PARD3B: variants seen among roughly 807,000 people sequenced by gnomAD.
The protein encoded by PARD3B is partitioning defective 3 homolog B.
Under a neutral mutation model 130.2 loss-of-function variants are expected in PARD3B, and 103 were observed. The observed-to-expected ratio is 0.79, with a 90% confidence interval of 0.67 to 0.93. PARD3B has a LOEUF of 0.93. Ranked by LOEUF, PARD3B falls within the 40% of genes least tolerant of loss-of-function variation. The probability of loss-of-function intolerance (pLI) is 0.00; values close to 1 mark genes in which losing one functional copy is unlikely to be tolerated. For synonymous variants in PARD3B, 583 were observed against 553.2 expected (o/e 1.05, Z -0.76); for missense variants, 1,609 against 1,499.2 (o/e 1.07, Z -1.21).
chr2:205,026,651 G>A (rs1409422971), intron 3 of PARD3B, among the ~76,000 whole-genome samples: 1 of 152,096 alleles, frequency 6.6e-6, no homozygotes, highest in Non-Finnish European at 1.5e-5. Context: ...TGTAACTGAA[G>A]GTTTATACCC....
chr2:204,644,053 C>T (rs753993195), intron 1 of PARD3B, among the ~76,000 whole-genome samples: 1 of 152,168 alleles, frequency 6.6e-6, no homozygotes, highest in African/African-American at 2.4e-5. Flanking sequence ...TTTATTTATT[C>T]GTTCTCTGAA....
rs548670432 is a variant in PARD3B at position 205,269,439 on chromosome 2, G to A, written c.2185+23617G>A. On this transcript the variant is annotated intron_variant, in intron 16 of 22. Transcript: ENST00000406610. The surrounding 1 kb of genome is among the most constrained non-coding windows in gnomAD (Gnocchi z 4.7). ...GAGGCTTTTTCAGGTAATGTCTTAG[G>A]AGTAAGGAGAGAGAAAGCAAAGTTA... Among the ~76,000 whole-genome samples, 2 of 152,208 alleles carry A rather than the reference G, an allele frequency of 1.3e-5. No homozygotes were observed. Among genetic ancestry groups the A allele is most frequent in the African/African-American group, 4.8e-5 (2 of 41,532 alleles).
chr2:205,104,083 T>G (rs1000457189), intron 4 of PARD3B, among the ~76,000 whole-genome samples: 4 of 152,196 alleles, frequency 2.6e-5, no homozygotes, highest in African/African-American at 9.7e-5. Flanking sequence ...TATATCACCA[T>G]CTGTCACCAG....
At chr2:204,995,048 T>C in intron 3 of PARD3B, among the ~76,000 whole-genome samples, 1 of 151,558 alleles carries the variant, frequency 6.6e-6, no homozygotes, top group East Asian at 1.9e-4. Flanking sequence ...TGCCAGTCTG[T>C]GTCTTTTAAT....
intron 15 of PARD3B, among the ~76,000 whole-genome samples, chr2:205,238,287 T>G (rs2039158961): frequency 6.6e-6 from 1 of 152,146 alleles, no homozygotes; most frequent in Non-Finnish European, 1.5e-5. Context: ...TGTACCTAAG[T>G]ACAAAGTTGC....
chr2:204,990,831 G>C (rs1436981128), intron 3 of PARD3B, among the ~76,000 whole-genome samples: 3 of 152,034 alleles, frequency 2.0e-5, no homozygotes, highest in East Asian at 1.9e-4. Context: ...TTATATAAAA[G>C]TTTCATAATT....
intron 2 of PARD3B, among the ~76,000 whole-genome samples, chr2:204,916,372 T>G (rs1200240125): frequency 6.6e-6 from 1 of 152,220 alleles, no homozygotes; most frequent in Non-Finnish European, 1.5e-5. Context: ...TTCCCAATCA[T>G]GTATAGCATT....
chr2:205,051,253 T>A (rs761033888), intron 4 of PARD3B, among the ~76,000 whole-genome samples: 1 of 152,160 alleles, frequency 6.6e-6, no homozygotes, highest in Non-Finnish European at 1.5e-5. Context: ...TATGATTTGA[T>A]AAGTGATGGT....
Position 205,297,887 on chromosome 2 carries a change from T to C in PARD3B, c.2186-2643T>C, listed in dbSNP as rs182888472. Among the ~76,000 whole-genome samples the C allele has an allele frequency of 2.3e-3, 357 of 152,332 alleles. 2 individuals are homozygous for C. Among genetic ancestry groups the C allele is most frequent in the Non-Finnish European group, 3.4e-3 (228 of 68,026 alleles). On this transcript the variant is annotated intron_variant, in intron 16 of 22. Transcript: ENST00000406610. Reference sequence around the variant, plus strand: ...TAGTACTTCTACTTTGTGACTTCTATTTATATAGAGTGAATTAATTGCCAA... The same window carrying C: ...TAGTACTTCTACTTTGTGACTTCTACTTATATAGAGTGAATTAATTGCCAA...
At chr2:204,839,657 C>G (rs1056087682) in intron 2 of PARD3B, among the ~76,000 whole-genome samples, 22 of 152,164 alleles carry the variant, frequency 1.4e-4, no homozygotes, top group Middle Eastern at 6.8e-3. Context: ...TCTCTTGTGC[C>G]TCATTTTGTG....
chr2:204,862,690 C>T (rs968839584), intron 2 of PARD3B, among the ~76,000 whole-genome samples: 3 of 152,156 alleles, frequency 2.0e-5, no homozygotes, highest in Non-Finnish European at 2.9e-5. Context: ...TTCTTGTCAC[C>T]AGAGCCTCAC....
chr2:205,320,703 T>A (rs189384628), intron 18 of PARD3B, among the ~76,000 whole-genome samples: 1 of 152,236 alleles, frequency 6.6e-6, no homozygotes, highest in African/African-American at 2.4e-5. Flanking sequence ...ATTGATTAAA[T>A]GCACATGGCA....
intron 21 of PARD3B, among the ~76,000 whole-genome samples, chr2:205,531,231 C>T (rs777691658): frequency 2.0e-5 from 3 of 152,050 alleles, no homozygotes; most frequent in Non-Finnish European, 4.4e-5. Flanking sequence ...GTCTGCTCCT[C>T]ATTAGAGACA....
intron 3 of PARD3B, among the ~76,000 whole-genome samples, chr2:204,985,898 C>T (rs990044412): frequency 5.9e-5 from 9 of 151,770 alleles, no homozygotes; most frequent in African/African-American, 1.9e-4. Context: ...CTCAGGAGCT[C>T]GAGACCAGCC....
Position 205,091,916 on chromosome 2 carries a change from A to G in PARD3B, c.505-12510A>G, listed in dbSNP as rs1160871752. 6.6e-6 allele frequency among the ~76,000 whole-genome samples: 1 copy of G among 152,088 alleles called. No individual in the cohort carries two copies. The highest frequency in any genetic ancestry group is 2.4e-5 in the African/African-American group (1 of 41,424). ...AGGGGACCCTCAATAAGGACTTGTGAACTGAATGATTCCTGTTTTGCTATG... is the reference window on the plus strand; with the variant it reads ...AGGGGACCCTCAATAAGGACTTGTGGACTGAATGATTCCTGTTTTGCTATG... On this transcript the variant is annotated intron_variant, in intron 4 of 22. Coordinates refer to ENST00000406610, the MANE Select transcript of PARD3B (RefSeq NM_001302769.2). The surrounding 1 kb of genome is among the most constrained non-coding windows in gnomAD (Gnocchi z 4.2).
In PARD3B at chr2:205,525,102, A is replaced by C. The variant is rs931939946; in HGVS notation, c.3180+25071A>C. 2.0e-5 allele frequency among the ~76,000 whole-genome samples: 3 copies of C among 152,200 alleles called. No homozygotes were observed. The highest frequency in any genetic ancestry group is 2.9e-5 in the Non-Finnish European group (2 of 68,030). On this transcript the variant is annotated intron_variant, in intron 21 of 22. Coordinates refer to ENST00000406610, the MANE Select transcript of PARD3B (RefSeq NM_001302769.2). This position sits in a 1 kb window ranked among gnomAD's most constrained non-coding sequence, Gnocchi z 4.2. ...ATTGCCTCACAAAGGCTATTTTCTT[A>C]GCTGCAACTTTCTTATTCACACACA...
At chr2:205,296,876 T>A (rs543357539) in intron 16 of PARD3B, among the ~76,000 whole-genome samples, 1,525 of 145,270 alleles carry the variant, frequency 0.01, 23 homozygotes, top group African/African-American at 0.035. Flanking sequence ...AACATCTTTT[T>A]AAAAAAAAAA....
chr2:205,353,417 G>C (rs984882150), intron 18 of PARD3B, among the ~76,000 whole-genome samples: 10 of 152,118 alleles, frequency 6.6e-5, no homozygotes, highest in African/African-American at 2.2e-4. Flanking sequence ...CCTGAGCTTA[G>C]AGACTAGGCC....
intron 2 of PARD3B, among the ~76,000 whole-genome samples, chr2:204,863,022 A>G (rs1394609978): frequency 6.6e-6 from 1 of 152,098 alleles, no homozygotes; most frequent in Non-Finnish European, 1.5e-5. Flanking sequence ...GCAGGTGGGC[A>G]TTGTTCAGAG....
Sources: gnomAD v4.1 joint callset for allele counts (sites outside exome capture counted in the v4.1 genomes callset) on GRCh38, gnomAD v4.1.1 for gene constraint, Gnocchi (gnomAD v3.1) non-coding constraint, MANE v1.5 for transcripts, NCBI Gene and HGNC (gene_info 2026-07-23, HGNC 2026-07-21) for gene names.